CSMD1: variants seen among roughly 807,000 people sequenced by gnomAD.
CSMD1 encodes CUB and sushi domain-containing protein 1.
A neutral mutation model predicts 417.5 loss-of-function variants in CSMD1; 213 were observed. The observed-to-expected ratio is 0.51, with a 90% CI of 0.46 to 0.57. The LOEUF is 0.57. Among genes scored for constraint, CSMD1 ranks in the 20% least tolerant of loss-of-function variants. CSMD1 has a pLI of 0.00. For synonymous variants in CSMD1, 2,862 were observed against 1,736.8 expected, an observed-to-expected ratio of 1.65 and a Z score of -16.11; for missense variants, 6,923 against 4,529.7, an observed-to-expected ratio of 1.53 and a Z score of -15.17.
intron 10 of CSMD1, among the ~76,000 whole-genome samples, chr8:3,516,193 T>C (rs1179470726): frequency 6.6e-6 from 1 of 152,194 alleles, no homozygotes; most frequent in Non-Finnish European, 1.5e-5. Flanking sequence ...TGTCTCCAAA[T>C]TTGAATATAA....
At chr8:4,837,586 T>C (rs1800573256) in intron 1 of CSMD1, among the ~76,000 whole-genome samples, 1 of 152,084 alleles carries the variant, frequency 6.6e-6, no homozygotes. Flanking sequence ...ACATAGAGAA[T>C]ACAAGGATGG....
chr8:3,983,844 T>C (rs1371996956), intron 5 of CSMD1, among the ~76,000 whole-genome samples: 1 of 150,230 alleles, frequency 6.7e-6, no homozygotes, highest in Non-Finnish European at 1.5e-5. Context: ...TCTGGCCGGC[T>C]GTCAATTGCA....
chr8:4,487,028 C>T (rs1482901889), intron 2 of CSMD1, among the ~76,000 whole-genome samples: 2 of 152,156 alleles, frequency 1.3e-5, no homozygotes, highest in African/African-American at 4.8e-5. Flanking sequence ...CAAAGTTCCA[C>T]TGAAGAGAAT....
intron 2 of CSMD1, among the ~76,000 whole-genome samples, chr8:4,466,948 A>G (rs373143096): frequency 1.1e-4 from 17 of 152,058 alleles, no homozygotes; most frequent in African/African-American, 3.1e-4. Context: ...TCCTGTGAAC[A>G]TTTCTTCCTT....
intron 3 of CSMD1, among the ~76,000 whole-genome samples, chr8:4,059,082 A>C (rs933292067): frequency 6.6e-6 from 1 of 152,176 alleles, no homozygotes; most frequent in Non-Finnish European, 1.5e-5. Context: ...CAGAAATTAT[A>C]ACAAACTGTC....
chr8:3,732,913 C>A (rs978725141), intron 6 of CSMD1, among the ~76,000 whole-genome samples: 2 of 152,146 alleles, frequency 1.3e-5, no homozygotes, highest in African/African-American at 4.8e-5. Flanking sequence ...TATCTATCAT[C>A]TATCATACAA....
At chr8:4,341,884 CCACT>C (rs1800498034) in intron 3 of CSMD1, among the ~76,000 whole-genome samples, 1 of 152,072 alleles carries the variant, frequency 6.6e-6, no homozygotes, top group African/African-American at 2.4e-5. Context: ...ACCTTCCACA[CCACT>C]AACTTTCTGA....
chr8:3,872,524 A>C (rs1039123906), intron 5 of CSMD1, among the ~76,000 whole-genome samples: 25 of 152,228 alleles, frequency 1.6e-4, no homozygotes, highest in Non-Finnish European at 2.9e-5. Flanking sequence ...ATGTTCTGCC[A>C]GGTCACTGAA....
chr8:3,870,200 A>C lies in CSMD1; in HGVS notation c.819-116158T>G, dbSNP rs1305016487. Among the ~76,000 whole-genome samples the C allele has an allele frequency of 2.0e-5, 3 of 152,338 alleles. No individual in the cohort carries two copies. In the East Asian group the frequency reaches 5.8e-4, roughly 29 times the overall value. On this transcript the variant is annotated intron_variant, in intron 5 of 69. Transcript: ENST00000635120. ...GGTTCTTCCAGAAAGTCAAGAAGAAAATGTCAACCATATTTCTCTTTCTAG... is the reference window on the plus strand; with the variant it reads ...GGTTCTTCCAGAAAGTCAAGAAGAACATGTCAACCATATTTCTCTTTCTAG...
chr8:4,200,288 T>C (rs1043525569), intron 3 of CSMD1, among the ~76,000 whole-genome samples: 49 of 152,340 alleles, frequency 3.2e-4, no homozygotes, highest in African/African-American at 1.2e-3. Context: ...GAGGATAATT[T>C]TTTTGTTAAT....
At chr8:4,316,631 A>T (rs1467379434) in intron 3 of CSMD1, among the ~76,000 whole-genome samples, 2 of 152,124 alleles carry the variant, frequency 1.3e-5, no homozygotes, top group African/African-American at 4.8e-5. Flanking sequence ...ACAGAAGGTG[A>T]ACGACAATGG....
At chr8:3,538,685 G>T (rs1798310110) in intron 10 of CSMD1, among the ~76,000 whole-genome samples, 1 of 152,212 alleles carries the variant, frequency 6.6e-6, no homozygotes, top group African/African-American at 2.4e-5. Flanking sequence ...TTAGCAACGT[G>T]GCATGGCCTG....
intron 41 of CSMD1, among the ~76,000 whole-genome samples, chr8:3,124,314 T>A (rs907801936): frequency 6.6e-6 from 1 of 152,282 alleles, no homozygotes; most frequent in East Asian, 1.9e-4. Flanking sequence ...AAAGCATAGA[T>A]GATTGTATAA....
At chr8:3,431,227 A>G (rs899337075) in intron 12 of CSMD1, among the ~76,000 whole-genome samples, 1 of 152,060 alleles carries the variant, frequency 6.6e-6, no homozygotes, top group Admixed American at 6.6e-5. Context: ...GGTCCATGCA[A>G]CAGCTGAAAC....
At chr8:4,270,329 A>C (rs1190570709) in intron 3 of CSMD1, among the ~76,000 whole-genome samples, 1 of 151,834 alleles carries the variant, frequency 6.6e-6, no homozygotes, top group Non-Finnish European at 1.5e-5. Context: ...CTTTATTAAC[A>C]AACCACGATT....
At chr8:4,322,730 C>T (rs934995567) in intron 3 of CSMD1, among the ~76,000 whole-genome samples, 1 of 152,148 alleles carries the variant, frequency 6.6e-6, no homozygotes, top group Non-Finnish European at 1.5e-5. Context: ...GCACGGGGCT[C>T]GTGCCTGTAA....
intron 1 of CSMD1, among the ~76,000 whole-genome samples, chr8:4,873,306 A>T (rs1449569584): frequency 2.6e-5 from 4 of 152,110 alleles, no homozygotes; most frequent in Non-Finnish European, 5.9e-5. Context: ...TAAAATTCAC[A>T]TTCGTAGACC....
intron 10 of CSMD1, among the ~76,000 whole-genome samples, chr8:3,494,537 G>C (rs948821510): frequency 6.7e-6 from 1 of 148,500 alleles, no homozygotes; most frequent in African/African-American, 2.5e-5. Context: ...AAGATTAGCA[G>C]ATACAGACAG....
chr8:4,933,957 C>T (rs1283282461), intron 1 of CSMD1, among the ~76,000 whole-genome samples: 2 of 152,032 alleles, frequency 1.3e-5, no homozygotes, highest in East Asian at 1.9e-4. Context: ...TTCATCTTTG[C>T]CCACACAGTC....
Sources: allele counts gnomAD v4.1 joint callset (sites outside exome capture counted in the v4.1 genomes callset), GRCh38; gene constraint gnomAD v4.1.1; transcripts MANE v1.5; gene names NCBI Gene and HGNC (gene_info 2026-07-23, HGNC 2026-07-21).